CNTNAP2: variants seen among roughly 807,000 people sequenced by gnomAD.
The protein encoded by CNTNAP2 is contactin-associated protein-like 2.
Under a neutral mutation model 155.2 loss-of-function variants are expected in CNTNAP2, and 98 were observed. The observed-to-expected ratio is 0.63, with a 90% CI of 0.54 to 0.75. CNTNAP2 has a LOEUF of 0.75. CNTNAP2 is among the 30% of genes least tolerant of loss of function. CNTNAP2 has a pLI of 0.00. For missense variants in CNTNAP2, 1,727 were observed against 1,688.1 expected, an observed-to-expected ratio of 1.02 and a Z score of -0.40; for synonymous variants, 651 against 631.2, an observed-to-expected ratio of 1.03 and a Z score of -0.47.
intron 13 of CNTNAP2, among the ~76,000 whole-genome samples, chr7:147,819,450 T>C (rs1442962690): frequency 2.0e-5 from 3 of 152,012 alleles, no homozygotes; most frequent in Admixed American, 6.6e-5. Flanking sequence ...CAGATCTTGA[T>C]CCTCATTTTA....
chr7:146,390,850 A>G (rs563388040), intron 1 of CNTNAP2, among the ~76,000 whole-genome samples: 2 of 139,250 alleles, frequency 1.4e-5, no homozygotes, highest in African/African-American at 2.6e-5. Flanking sequence ...GGGCGGATCA[A>G]GGGGTCAAGA....
chr7:147,485,864 G>A, intron 10 of CNTNAP2, 71 bp from the exon 11 acceptor site: 1 of 1,441,716 alleles, frequency 6.9e-7, no homozygotes, highest in Non-Finnish European at 9.8e-7. Flanking sequence ...TGCCCAGACA[G>A]CTTGGAATTT....
At chr7:147,779,070 G>T (rs1437408319) in intron 13 of CNTNAP2, among the ~76,000 whole-genome samples, 1 of 152,264 alleles carries the variant, frequency 6.6e-6, no homozygotes, top group Admixed American at 6.5e-5. Flanking sequence ...TATGAAATTA[G>T]CATGCAATCT....
At chr7:147,399,581 G>C (rs144988629) in intron 10 of CNTNAP2, among the ~76,000 whole-genome samples, 93 of 152,268 alleles carry the variant, frequency 6.1e-4, no homozygotes, top group African/African-American at 2.2e-3. Context: ...AGACTGGGAA[G>C]ACTAGTTGTA....
chr7:147,963,288 T>C (rs1214120585), intron 14 of CNTNAP2, among the ~76,000 whole-genome samples: 1 of 152,058 alleles, frequency 6.6e-6, no homozygotes, highest in East Asian at 1.9e-4. Flanking sequence ...CCCAGAAAAT[T>C]AACAATCTAT....
At chr7:147,317,342 CTTAT>C (rs901646583) in intron 9 of CNTNAP2, among the ~76,000 whole-genome samples, 2 of 152,196 alleles carry the variant, frequency 1.3e-5, no homozygotes, top group Non-Finnish European at 2.9e-5. Flanking sequence ...GATTGCAATA[CTTAT>C]TTATTTGTTT....
chr7:147,714,627 A>T (rs1392081999), intron 13 of CNTNAP2, among the ~76,000 whole-genome samples: 1 of 152,092 alleles, frequency 6.6e-6, no homozygotes, highest in Non-Finnish European at 1.5e-5. Flanking sequence ...GGATTTTTTT[A>T]TATTGATACT....
At chr7:147,998,449 T>C (rs1801845991) in intron 15 of CNTNAP2, among the ~76,000 whole-genome samples, 1 of 152,178 alleles carries the variant, frequency 6.6e-6, no homozygotes, top group African/African-American at 2.4e-5. Flanking sequence ...GCCTCATTGA[T>C]AGCAGGCTGC....
chr7:147,622,920 T>A (rs920135342), intron 12 of CNTNAP2, among the ~76,000 whole-genome samples: 3 of 151,914 alleles, frequency 2.0e-5, no homozygotes, highest in African/African-American at 7.2e-5. Context: ...AAATTGGAGA[T>A]GAAAAAGGAG....
At chr7:147,391,369 T>A (rs1178517985) in intron 9 of CNTNAP2, among the ~76,000 whole-genome samples, 3 of 152,050 alleles carry the variant, frequency 2.0e-5, no homozygotes, top group Non-Finnish European at 2.9e-5. Flanking sequence ...CCTTTTTTTA[T>A]GTATATAGAG....
intron 9 of CNTNAP2, among the ~76,000 whole-genome samples, chr7:147,304,249 C>T (rs1246767002): frequency 6.6e-6 from 1 of 151,992 alleles, no homozygotes; most frequent in Non-Finnish European, 1.5e-5. Context: ...CAAAGAGATC[C>T]GTTATTTGGC....
intron 3 of CNTNAP2, among the ~76,000 whole-genome samples, chr7:147,020,019 T>TAGTAC (rs552766913): frequency 1.4e-5 from 2 of 139,556 alleles, no homozygotes; most frequent in African/African-American, 2.6e-5. Flanking sequence ...TGGTATGGTA[T>TAGTAC]AGTACAGTAC....
chr7:147,429,897 C>G (rs1279518973), intron 10 of CNTNAP2, among the ~76,000 whole-genome samples: 2 of 152,110 alleles, frequency 1.3e-5, no homozygotes, highest in Non-Finnish European at 2.9e-5. Flanking sequence ...TCTGGGTTCT[C>G]TATTCTGTTC....
intron 1 of CNTNAP2, among the ~76,000 whole-genome samples, chr7:146,719,723 A>ATT (rs11287281): frequency 6.8e-6 from 1 of 147,782 alleles, no homozygotes; most frequent in African/African-American, 2.4e-5. Context: ...CTCTTTCTCC[A>ATT]TTTTTTTTTT....
intron 2 of CNTNAP2, among the ~76,000 whole-genome samples, chr7:146,792,326 A>G (rs1410840516): frequency 2.0e-5 from 3 of 152,132 alleles, no homozygotes; most frequent in Non-Finnish European, 2.9e-5. Flanking sequence ...GCAAAATGGC[A>G]TGAATAAAAC....
intron 1 of CNTNAP2, among the ~76,000 whole-genome samples, chr7:146,273,993 A>G (rs187655753): frequency 4.6e-5 from 7 of 152,314 alleles, no homozygotes; most frequent in Admixed American, 4.6e-4. Context: ...GACATTATAT[A>G]TACATATATA....
At chr7:146,408,007 A>G (rs963590165) in intron 1 of CNTNAP2, among the ~76,000 whole-genome samples, 3 of 152,194 alleles carry the variant, frequency 2.0e-5, no homozygotes, top group African/African-American at 7.2e-5. Context: ...TTAACAGACT[A>G]TTATCAACAA....
intron 1 of CNTNAP2, among the ~76,000 whole-genome samples, chr7:146,365,167 A>G (rs138918288): frequency 4.3e-4 from 65 of 152,142 alleles, no homozygotes; most frequent in African/African-American, 1.5e-3. Flanking sequence ...CTTCATATGC[A>G]TGTCTTTTAC....
chr7:147,389,671 C>T (rs1324336471), intron 9 of CNTNAP2, among the ~76,000 whole-genome samples: 1 of 152,038 alleles, frequency 6.6e-6, no homozygotes, highest in Admixed American at 6.6e-5. Context: ...TTACAATGTT[C>T]CTGGAAAGAA....
Sources: allele counts gnomAD v4.1 joint callset (sites outside exome capture counted in the v4.1 genomes callset), GRCh38; gene constraint gnomAD v4.1.1; transcripts MANE v1.5; gene names NCBI Gene and HGNC (gene_info 2026-07-23, HGNC 2026-07-21).